The following RPL35A variants were observed in gnomAD, a reference collection of about 807,000 sequenced individuals.
RPL35A encodes the protein large ribosomal subunit protein eL33.
A neutral mutation model predicts 16.7 loss-of-function variants in RPL35A; 1 was observed. The observed-to-expected ratio is 0.06, with a 90% CI of 0.02 to 0.28. The LOEUF (loss-of-function observed/expected upper bound fraction) is 0.28, where lower values mean the gene tolerates loss of function less well. RPL35A is among the 10% of genes least tolerant of loss of function. The pLI, the probability that RPL35A is intolerant of heterozygous loss-of-function variation, is 1.00. For synonymous variants in RPL35A, 58 were observed against 47.0 expected (o/e 1.23, Z -0.96); for missense variants, 91 against 138.7 (o/e 0.66, Z 1.73).
rs916861876 is a variant in RPL35A, at chr3:197,954,133, C to T, written c.295C>T (p.His99Tyr). ...RSNLPAKAIG[H>Y]RIRVMLYPSR... Reference sequence around the variant, plus strand: ...CAATCTTCCTGCTAAGGCCATTGGACACAGAATCCGAGTGGTGAGTATGGT... The same window carrying T: ...CAATCTTCCTGCTAAGGCCATTGGATACAGAATCCGAGTGGTGAGTATGGT... Residue 99 changes from histidine to tyrosine, a missense_variant, in exon 4 of 5, where the codon CAC (histidine) becomes TAC (tyrosine). His to Tyr is a moderately conservative substitution (Grantham distance 83). Coordinates refer to ENST00000647248, the MANE Select transcript of RPL35A (RefSeq NM_000996.4). The T allele has an allele frequency of 3.1e-6, 5 of 1,614,156 alleles. No homozygotes were observed. The highest frequency in any genetic ancestry group is 4.2e-6 in the Non-Finnish European group (5 of 1,180,032).
At chr3:197,954,510 T>G (rs1285885530) in intron 4 of RPL35A, 6 of 339,336 alleles carry the variant, frequency 1.8e-5, no homozygotes, top group Non-Finnish European at 3.4e-5. Flanking sequence ...ATTTTTGGGG[T>G]TTTTGTTGTG....
At position 197,955,981 on chromosome 3, in the gene RPL35A, G is replaced by T; in HGVS notation, c.*208G>T. 1.8e-6 allele frequency: 1 copy of T among 565,920 alleles called. No homozygotes were observed. The highest frequency in any genetic ancestry group is 2.8e-5 in the Admixed American group (1 of 35,366). 35.1% of individuals were successfully genotyped at this position (565,920 alleles called of 1,614,324 possible). A position where few individuals can be genotyped will look rare whatever the true frequency, so the allele number is the denominator to read the frequency against. On this transcript the variant is annotated 3_prime_UTR_variant, in exon 5 of 5. Transcript: ENST00000647248. ...TAGAAGGGAACGGGTTTTAATGCGA[G>T]TATCTTTGACAGAGTCTTGCTCTGT...
At chr3:197,953,726 T>C (rs1217125043) in intron 3 of RPL35A, 1 of 513,882 alleles carries the variant, frequency 1.9e-6, no homozygotes, top group South Asian at 2.0e-5. Flanking sequence ...TTTTTCAATA[T>C]TGCCTCTGTT....
At chr3:197,952,319 G>A (rs921889944) in intron 3 of RPL35A, among the ~76,000 whole-genome samples, 4 of 151,400 alleles carry the variant, frequency 2.6e-5, no homozygotes, top group Admixed American at 2.0e-4. Flanking sequence ...ACAGGCGGCC[G>A]CCACCATGCC....
chr3:197,950,201 G>C lies in RPL35A; in HGVS notation c.-53G>C, dbSNP rs917590313. Reference sequence around the variant, plus strand: ...GGCGGGGCCTCGTCCTTCTCTTACCGCCATCTTGGCTCCTGTGGAGGTGAG... The same window carrying C: ...GGCGGGGCCTCGTCCTTCTCTTACCCCCATCTTGGCTCCTGTGGAGGTGAG... On this transcript the variant is annotated 5_prime_UTR_variant, in exon 1 of 5. Coordinates refer to ENST00000647248, the MANE Select transcript of RPL35A (RefSeq NM_000996.4). 1.6e-6 allele frequency: 2 copies of C among 1,231,358 alleles called. No homozygotes were observed. Among genetic ancestry groups the C allele is most frequent in the African/African-American group, 3.1e-5 (2 of 64,412 alleles). 76.3% of individuals were successfully genotyped at this position (1,231,358 alleles called of 1,614,324 possible). A position where few individuals can be genotyped will look rare whatever the true frequency, so the allele number is the denominator to read the frequency against.
In RPL35A at chr3:197,950,938, C is replaced by T; in HGVS notation, c.-30C>T. 8.1e-6 allele frequency: 13 copies of T among 1,614,024 alleles called. No homozygotes were observed. The highest frequency in any genetic ancestry group is 9.3e-6 in the Non-Finnish European group (11 of 1,179,954). On this transcript the variant is annotated splice_region_variant and 5_prime_UTR_variant, in exon 2 of 5. Coordinates refer to ENST00000647248, the MANE Select transcript of RPL35A (RefSeq NM_000996.4). ...CTAATCTTTTTGTTTGTTTTAAGGC[C>T]TGCTGGGAACGGGACTTCTAAAAGG...
intron 1 of RPL35A, 185 bp downstream of exon 1, chr3:197,950,406 G>C (rs1719958657): frequency 2.9e-6 from 3 of 1,037,416 alleles, no homozygotes; most frequent in South Asian, 4.7e-5. Flanking sequence ...CCTGACACCC[G>C]GAGAACGGCT....
intron 3 of RPL35A, among the ~76,000 whole-genome samples, chr3:197,952,263 G>A (rs1186922239): frequency 2.3e-5 from 3 of 133,110 alleles, no homozygotes; most frequent in Non-Finnish European, 4.7e-5. Flanking sequence ...TCCGCCTCCC[G>A]GGTTCAAGGG....
chr3:197,954,264 C>A, intron 4 of RPL35A, 117 bp downstream of exon 4: 1 of 1,020,610 alleles, frequency 9.8e-7, no homozygotes, highest in Non-Finnish European at 1.5e-6. Flanking sequence ...AATTATGCTG[C>A]AAAATTTGTG....
chr3:197,950,787 T>A (rs1720001571), intron 1 of RPL35A, 149 bp from the exon 2 acceptor site: 2 of 677,940 alleles, frequency 3.0e-6, no homozygotes, highest in African/African-American at 1.8e-5. Flanking sequence ...GACCCTGCGT[T>A]TCATATGGAT....
At chr3:197,952,616 T>G (rs531949004) in intron 3 of RPL35A, 1 of 152,386 alleles carries the variant, frequency 6.6e-6, no homozygotes, top group African/African-American at 2.4e-5. Flanking sequence ...TGCCTCAGCC[T>G]CCGAGTGAGG....
chr3:197,951,600 A>C (rs1041946193), intron 3 of RPL35A: 9 of 397,858 alleles, frequency 2.3e-5, no homozygotes, highest in Non-Finnish European at 4.2e-5. Flanking sequence ...TGATCCGCCC[A>C]CCTCGGCCTC....
chr3:197,951,483 G>T, intron 3 of RPL35A, 172 bp downstream of exon 3: 2 of 691,570 alleles, frequency 2.9e-6, no homozygotes. Context: ...CTCCCGAGTA[G>T]CTGGGATTAC....
chr3:197,955,569 G>GT (rs1403929018), intron 4 of RPL35A, among the ~76,000 whole-genome samples, 181 bp from the exon 5 acceptor site: 2 of 152,220 alleles, frequency 1.3e-5, no homozygotes, highest in East Asian at 1.9e-4. Context: ...GCCAGTACAT[G>GT]TTTTTTATGA....
At position 197,955,754 on chromosome 3, in the gene RPL35A, T is replaced by C; in HGVS notation, c.314T>C (p.Leu105Pro). The C allele has an allele frequency of 1.2e-6, 2 of 1,605,690 alleles. No homozygotes were observed. Among genetic ancestry groups the C allele is most frequent in the Non-Finnish European group, 1.7e-6 (2 of 1,174,108 alleles). The change falls in exon 5 of 5, where the codon CTG (leucine) becomes CCG (proline). Residue 105 changes from leucine (L) to proline (P), a missense_variant. Leu to Pro is a moderately conservative substitution (Grantham distance 98). Coordinates refer to ENST00000647248, the MANE Select transcript of RPL35A (RefSeq NM_000996.4). ...TGTGTTCTTTTTTCCCTGCAGATGC[T>C]GTACCCCTCAAGGATTTAAACTAAC... ...KAIGHRIRVM[L>P]YPSRI
chr3:197,951,530 A>C, intron 3 of RPL35A: 2 of 520,316 alleles, frequency 3.8e-6, no homozygotes, highest in Admixed American at 3.2e-5. Flanking sequence ...TTTTTGTATT[A>C]TTAGTAGAGA....
Position 197,951,191 on chromosome 3 carries a change from A to G in RPL35A, c.44A>G (p.Lys15Arg), listed in dbSNP as rs372146796. 2 of 1,614,084 alleles carry G rather than the reference A, an allele frequency of 1.2e-6. No homozygotes were observed. The highest frequency in any genetic ancestry group is 1.3e-5 in the African/African-American group (1 of 74,926). The change falls in exon 3 of 5, where the codon AAG becomes AGG. Residue 15 changes from lysine to arginine, a missense_variant. By Grantham distance (26) the Lys-to-Arg change is conservative. Transcript: ENST00000647248. The stretch of plus-strand genomic sequence containing the variant: ...TCCAAGGCCATTTTTGCTGGCTATA[A>G]GCGGGGTCTCCGGAACCAAAGGGAG... Reference protein sequence around the residue: ...LWSKAIFAGYKRGLRNQREHT... With the variant: ...LWSKAIFAGYRRGLRNQREHT...
At chr3:197,952,653 C>T (rs1362759697) in intron 3 of RPL35A, 2 of 152,130 alleles carry the variant, frequency 1.3e-5, no homozygotes, top group Non-Finnish European at 2.9e-5. Context: ...TGCCACCACA[C>T]CCAGCTAATT....
chr3:197,955,931 A>G lies in RPL35A; in HGVS notation c.*158A>G, dbSNP rs541949307. The G allele has an allele frequency of 4.1e-5, 28 of 676,094 alleles. No homozygotes were observed. Among genetic ancestry groups the G allele is most frequent in the Non-Finnish European group, 6.7e-5 (25 of 374,918 alleles). 41.9% of individuals were successfully genotyped at this position (676,094 alleles called of 1,614,324 possible). Reference sequence around the variant, plus strand: ...AGGGGGTCAGAGAGACATGTGATGAAAATTACAGGGCGAGTACAGAGATTT... The same window carrying G: ...AGGGGGTCAGAGAGACATGTGATGAGAATTACAGGGCGAGTACAGAGATTT... On this transcript the variant is annotated 3_prime_UTR_variant, in exon 5 of 5. Coordinates refer to ENST00000647248, the MANE Select transcript of RPL35A (RefSeq NM_000996.4).
Sources: allele counts gnomAD v4.1 joint callset (sites outside exome capture counted in the v4.1 genomes callset), GRCh38; gene constraint gnomAD v4.1.1; transcripts MANE v1.5; gene names NCBI Gene and HGNC (gene_info 2026-07-23, HGNC 2026-07-21).